GNG12: variants seen among roughly 807,000 people sequenced by gnomAD.
The protein encoded by GNG12 is G protein subunit gamma 12.
For synonymous variants in GNG12, 28 were observed against 29.7 expected, an observed-to-expected ratio of 0.94 and a Z score of 0.19; for missense variants, 69 against 83.8, an observed-to-expected ratio of 0.82 and a Z score of 0.69.
chr1:67,714,832 T>C (rs1162024421), intron 2 of GNG12, among the ~76,000 whole-genome samples: 2 of 152,170 alleles, frequency 1.3e-5, no homozygotes, highest in Non-Finnish European at 2.9e-5. Flanking sequence ...TCCAAAATGA[T>C]TGGCATCCTT....
chr1:67,718,576 T>C (rs1421546109), intron 2 of GNG12, among the ~76,000 whole-genome samples: 1 of 152,082 alleles, frequency 6.6e-6, no homozygotes. Flanking sequence ...ATTCTCCACT[T>C]TGACAACCCA....
intron 1 of GNG12, among the ~76,000 whole-genome samples, chr1:67,792,606 T>A (rs1295888799): frequency 6.6e-6 from 1 of 152,238 alleles, no homozygotes; most frequent in African/African-American, 2.4e-5. Context: ...AAAAAATGCT[T>A]GCAGAATTAA....
intron 1 of GNG12, among the ~76,000 whole-genome samples, chr1:67,804,833 T>C (rs114145689): frequency 0.014 from 2,084 of 151,964 alleles, 46 homozygotes; most frequent in African/African-American, 0.045. Context: ...AATCTAGTAA[T>C]GGGGGAAGGG....
At chr1:67,780,797 C>T (rs1305888476) in intron 1 of GNG12, among the ~76,000 whole-genome samples, 1 of 152,178 alleles carries the variant, frequency 6.6e-6, no homozygotes, top group African/African-American at 2.4e-5. Flanking sequence ...CTTGCTCACA[C>T]CTCCAAGTTC....
chr1:67,823,115 AAAC>A (rs1364558927), intron 1 of GNG12, among the ~76,000 whole-genome samples: 1 of 152,228 alleles, frequency 6.6e-6, no homozygotes, highest in South Asian at 2.1e-4. Context: ...TTCAGACAGT[AAAC>A]AACAACAACA....
intron 2 of GNG12, among the ~76,000 whole-genome samples, chr1:67,775,114 C>A (rs1321675130): frequency 1.3e-5 from 2 of 151,972 alleles, no homozygotes; most frequent in Non-Finnish European, 2.9e-5. Flanking sequence ...GAACACTGGC[C>A]GACTGGAGAT....
Position 67,702,640 on chromosome 1 carries a change from T to C in GNG12, c.*2811A>G, listed in dbSNP as rs1313979744. ...AAAAAACTAGCTATGAGCCATCACT[T>C]GTGAACCATCTGGTATATAAAATAT... On this transcript the variant is annotated 3_prime_UTR_variant, in exon 4 of 4. Coordinates refer to ENST00000370982, the MANE Select transcript of GNG12 (RefSeq NM_018841.6). 1 of 152,122 alleles carries C rather than the reference T, an allele frequency of 6.6e-6. No homozygotes were observed. The highest frequency in any genetic ancestry group is 6.5e-5 in the Admixed American group (1 of 15,276). 9.4% of individuals were successfully genotyped at this position (152,122 alleles called of 1,614,324 possible).
intron 1 of GNG12, among the ~76,000 whole-genome samples, chr1:67,782,622 G>A (rs1032379498): frequency 5.3e-5 from 8 of 152,096 alleles, no homozygotes; most frequent in Admixed American, 4.6e-4. Flanking sequence ...TTGCAGATAA[G>A]TTGGGGGAAA....
At chr1:67,749,344 A>T (rs1250548210) in intron 2 of GNG12, among the ~76,000 whole-genome samples, 1 of 152,176 alleles carries the variant, frequency 6.6e-6, no homozygotes, top group Admixed American at 6.5e-5. Context: ...CAGTATTAGG[A>T]GTTTTAATAA....
intron 1 of GNG12, among the ~76,000 whole-genome samples, chr1:67,796,905 G>A (rs745737685): frequency 1.3e-5 from 2 of 152,180 alleles, no homozygotes; most frequent in African/African-American, 4.8e-5. Context: ...CATGGTGAAA[G>A]GCAAAGGGGG....
chr1:67,830,817 C>T (rs913705137), intron 1 of GNG12, among the ~76,000 whole-genome samples: 1 of 152,124 alleles, frequency 6.6e-6, no homozygotes, highest in South Asian at 2.1e-4. Context: ...TTTGAAATTG[C>T]TCTATCTAGC....
At chr1:67,708,404 C>T (rs534057916) in intron 2 of GNG12, among the ~76,000 whole-genome samples, 21 of 152,244 alleles carry the variant, frequency 1.4e-4, no homozygotes, top group African/African-American at 4.6e-4. Flanking sequence ...ATTAATAAAA[C>T]GTTATTATTC....
intron 1 of GNG12, among the ~76,000 whole-genome samples, chr1:67,808,322 A>G (rs1246583974): frequency 6.6e-6 from 1 of 152,130 alleles, no homozygotes; most frequent in Non-Finnish European, 1.5e-5. Flanking sequence ...TCAACTTGAT[A>G]AAGAACATCT....
chr1:67,714,557 C>T (rs1646314136), intron 2 of GNG12, among the ~76,000 whole-genome samples: 1 of 152,194 alleles, frequency 6.6e-6, no homozygotes, highest in Non-Finnish European at 1.5e-5. Context: ...TTAGTATCTG[C>T]ATCCTCTTAC....
chr1:67,770,207 G>A lies in GNG12; in HGVS notation c.-27+7251C>T, dbSNP rs531552956. The stretch of plus-strand genomic sequence containing the variant: ...AAGGAGGACACAAACAGGTCAGGAC[G>A]GTGGAAAGCAATGGAGGATTCTGTG... On this transcript the variant is annotated intron_variant, in intron 2 of 3. Transcript: ENST00000370982. Among the ~76,000 whole-genome samples, 5 of 152,280 alleles carry A rather than the reference G, an allele frequency of 3.3e-5. No homozygotes were observed. The South Asian group carries it at 8.3e-4, about 25-fold the overall frequency.
intron 2 of GNG12, among the ~76,000 whole-genome samples, chr1:67,746,658 T>C (rs903536256): frequency 2.0e-5 from 3 of 152,206 alleles, no homozygotes; most frequent in Non-Finnish European, 2.9e-5. Flanking sequence ...GTTCTAAAAA[T>C]AGGGAGTTTG....
At chr1:67,831,838 C>T (rs1000585903) in intron 1 of GNG12, among the ~76,000 whole-genome samples, 1 of 152,156 alleles carries the variant, frequency 6.6e-6, no homozygotes, top group Non-Finnish European at 1.5e-5. Flanking sequence ...ATTGTTTTGG[C>T]AATAGTAAAA....
Position 67,833,406 on chromosome 1 carries a change from A to G in GNG12, c.-139T>C, listed in dbSNP as rs1647064943. On this transcript the variant is annotated 5_prime_UTR_variant, in exon 1 of 4. Coordinates refer to ENST00000370982, the MANE Select transcript of GNG12 (RefSeq NM_018841.6). ...ACTCGGTCTCTAAGGGCTCCTGGAGACGGCTCCGACCTCTCCTCCTCCTCC... is the reference window on the plus strand; with the variant it reads ...ACTCGGTCTCTAAGGGCTCCTGGAGGCGGCTCCGACCTCTCCTCCTCCTCC... 4.1e-6 allele frequency: 4 copies of G among 984,560 alleles called. No homozygotes were observed. The highest frequency in any genetic ancestry group is 6.2e-5 in the Admixed American group (1 of 16,208). 61.0% of individuals were successfully genotyped at this position (984,560 alleles called of 1,614,324 possible). A position where few individuals can be genotyped will look rare whatever the true frequency, so the allele number is the denominator to read the frequency against.
In GNG12 at chr1:67,803,443, G is replaced by C. The variant is rs187362516; in HGVS notation, c.-76-25936C>G. Among the ~76,000 whole-genome samples the C allele has an allele frequency of 1.3e-3, 194 of 152,260 alleles. 1 individual carries two copies. Among genetic ancestry groups the C allele is most frequent in the African/African-American group, 4.4e-3 (184 of 41,552 alleles). On this transcript the variant is annotated intron_variant, in intron 1 of 3. Transcript: ENST00000370982. ...AAAAAGGTTGAGAAGCACTGATCTG[G>C]AGGAAGGTGATTCGGTAAAAGGAGT...
Sources: allele counts gnomAD v4.1 joint callset (sites outside exome capture counted in the v4.1 genomes callset), GRCh38; gene constraint gnomAD v4.1.1; transcripts MANE v1.5; gene names NCBI Gene and HGNC (gene_info 2026-07-23, HGNC 2026-07-21).